Variants in NRXN3 observed in about 807,000 individuals in gnomAD.
NRXN3 encodes neurexin III.
Under a neutral mutation model 137.6 loss-of-function variants are expected in NRXN3, and 32 were observed. The observed-to-expected ratio is 0.23, with a 90% CI of 0.18 to 0.31. The LOEUF (loss-of-function observed/expected upper bound fraction) is 0.31, where lower values mean the gene tolerates loss of function less well. NRXN3 is among the 10% of genes least tolerant of loss of function. The probability of loss-of-function intolerance (pLI) is 1.00; values close to 1 mark genes in which losing one functional copy is unlikely to be tolerated. For synonymous variants in NRXN3, 798 were observed against 784.5 expected, an observed-to-expected ratio of 1.02 and a Z score of -0.29; for missense variants, 1,574 against 2,062.5, an observed-to-expected ratio of 0.76 and a Z score of 4.59.
rs566513658 is a variant in NRXN3 at position 79,605,645 on chromosome 14, G to A, written c.3445-58133G>A. ...TGGGACTACAGGTGTGCGCCACCAC[G>A]CCCAGCTAATTTTTTTGTATTTTTA... is the stretch of plus-strand genomic sequence containing the variant. On this transcript the variant is annotated intron_variant, in intron 16 of 20. Transcript: ENST00000335750. Among the ~76,000 whole-genome samples, 7 of 152,072 alleles carry A rather than the reference G, an allele frequency of 4.6e-5. No individual in the cohort carries two copies. The East Asian group carries it at 9.7e-4, about 21-fold the overall frequency.
intron 8 of NRXN3, among the ~76,000 whole-genome samples, chr14:78,778,730 C>CTTTCTTTCTT (rs1344399160): frequency 8.5e-6 from 1 of 117,960 alleles, no homozygotes; most frequent in African/African-American, 3.3e-5. Flanking sequence ...TTCTTTCTTT[C>CTTTCTTTCTT]TCTCTCTCTT....
intron 1 of NRXN3, among the ~76,000 whole-genome samples, chr14:78,224,925 C>T (rs1283746431): frequency 6.8e-6 from 1 of 146,804 alleles, no homozygotes. Context: ...CGCCACCGTG[C>T]CCGGCTAATT....
At chr14:79,372,202 C>T (rs10498537) in intron 15 of NRXN3, among the ~76,000 whole-genome samples, 69,274 of 151,774 alleles carry the variant, frequency 0.46, 16,191 homozygotes, top group South Asian at 0.54. Flanking sequence ...TTCCTTAAGA[C>T]TAAAACACAC....
At chr14:79,532,218 T>C (rs2097175782) in intron 16 of NRXN3, among the ~76,000 whole-genome samples, 1 of 152,206 alleles carries the variant, frequency 6.6e-6, no homozygotes, top group Admixed American at 6.5e-5. Context: ...TGAACACGTG[T>C]GTATGTCTTT....
intron 15 of NRXN3, among the ~76,000 whole-genome samples, chr14:78,992,123 A>G (rs1259731315): frequency 6.6e-6 from 1 of 152,202 alleles, no homozygotes; most frequent in Non-Finnish European, 1.5e-5. Flanking sequence ...AGTTTTAGAT[A>G]TGACCTTCCA....
chr14:79,726,468 A>G (rs2098890283), intron 19 of NRXN3, among the ~76,000 whole-genome samples: 1 of 152,142 alleles, frequency 6.6e-6, no homozygotes, highest in Non-Finnish European at 1.5e-5. Flanking sequence ...CTCTGATCAC[A>G]ATATATTAAA....
chr14:78,988,315 T>C, intron 15 of NRXN3, 174 bp downstream of exon 15: 2 of 775,422 alleles, frequency 2.6e-6, no homozygotes, highest in South Asian at 3.1e-5. Context: ...TGAAGAGATG[T>C]GTCTTGCTTA....
intron 15 of NRXN3, among the ~76,000 whole-genome samples, chr14:79,243,694 G>A (rs146236178): frequency 3.3e-5 from 5 of 152,182 alleles, no homozygotes; most frequent in East Asian, 3.9e-4. Flanking sequence ...GCATGTTACT[G>A]TACTGAATAT....
chr14:78,989,784 C>T (rs1001011156), intron 15 of NRXN3, among the ~76,000 whole-genome samples: 3 of 152,224 alleles, frequency 2.0e-5, no homozygotes, highest in Middle Eastern at 6.8e-3. Flanking sequence ...TATTTCTTGT[C>T]GCATATACGT....
chr14:78,551,404 A>G (rs1485828297), intron 4 of NRXN3, among the ~76,000 whole-genome samples: 3 of 152,168 alleles, frequency 2.0e-5, no homozygotes, highest in Non-Finnish European at 4.4e-5. Context: ...CACAACTCTC[A>G]TAAAGTTTGT....
chr14:78,252,777 G>C (rs2068847685), intron 2 of NRXN3, among the ~76,000 whole-genome samples: 1 of 152,192 alleles, frequency 6.6e-6, no homozygotes, highest in African/African-American at 2.4e-5. Flanking sequence ...TTGGAGAATA[G>C]AAAAAGTACA....
intron 19 of NRXN3, among the ~76,000 whole-genome samples, chr14:79,777,273 A>AT (rs1163313033): frequency 1.4e-4 from 22 of 152,344 alleles, no homozygotes; most frequent in African/African-American, 5.1e-4. Context: ...TCTGATTTAA[A>AT]TTTGAGTTGT....
At chr14:78,479,017 G>T (rs1053897775) in intron 4 of NRXN3, among the ~76,000 whole-genome samples, 1 of 152,200 alleles carries the variant, frequency 6.6e-6, no homozygotes, top group Admixed American at 6.5e-5. Context: ...AGAGAACTAG[G>T]ATAATTGTAA....
chr14:79,478,413 A>G (rs1357955427), intron 16 of NRXN3, among the ~76,000 whole-genome samples: 2 of 151,846 alleles, frequency 1.3e-5, no homozygotes, highest in Admixed American at 6.6e-5. Context: ...GTTTACAGAG[A>G]TGTCTTCTTC....
chr14:79,785,899 A>G (rs1387128409), intron 19 of NRXN3, among the ~76,000 whole-genome samples: 1 of 151,842 alleles, frequency 6.6e-6, no homozygotes, highest in Admixed American at 6.6e-5. Flanking sequence ...CTCTTAAGAA[A>G]CACTTTGATA....
intron 15 of NRXN3, among the ~76,000 whole-genome samples, chr14:79,400,121 CA>C (rs1456955266): frequency 3.9e-5 from 6 of 152,182 alleles, no homozygotes; most frequent in African/African-American, 1.4e-4. Flanking sequence ...ATTGTATCTA[CA>C]ACGATTCTAT....
rs145301285 is a variant in NRXN3 at position 79,776,058 on chromosome 14, A to G, written c.4015-29054A>G. ...GTGGAGAAATAAGCAAAATTCCTAG[A>G]AATATGGGGTGGGAGTATGGCAGAC... is the stretch of plus-strand genomic sequence containing the variant. On this transcript the variant is annotated intron_variant, in intron 19 of 20. Coordinates refer to ENST00000335750, the MANE Select transcript of NRXN3 (RefSeq NM_001330195.2). Among the ~76,000 whole-genome samples the G allele has an allele frequency of 5.6e-3, 854 of 152,220 alleles. 6 individuals carry two copies. Among genetic ancestry groups the G allele is most frequent in the African/African-American group, 0.019 (800 of 41,542 alleles).
chr14:79,800,534 T>C (rs907679521), intron 19 of NRXN3, among the ~76,000 whole-genome samples: 1 of 152,204 alleles, frequency 6.6e-6, no homozygotes, highest in Non-Finnish European at 1.5e-5. Context: ...GTTGTGATTA[T>C]AGGAAAATAC....
intron 4 of NRXN3, among the ~76,000 whole-genome samples, chr14:78,578,596 A>T (rs1200306915): frequency 6.6e-6 from 1 of 152,182 alleles, no homozygotes; most frequent in Non-Finnish European, 1.5e-5. Context: ...GAGAGTGGGG[A>T]TTAGCTCAAG....
Sources: allele counts gnomAD v4.1 joint callset (sites outside exome capture counted in the v4.1 genomes callset), GRCh38; gene constraint gnomAD v4.1.1; transcripts MANE v1.5; gene names NCBI Gene and HGNC (gene_info 2026-07-23, HGNC 2026-07-21).